The following CTNNA3 variants were observed in gnomAD, a reference collection of about 807,000 sequenced individuals.
The protein encoded by CTNNA3 is catenin alpha-3.
A neutral mutation model predicts 95.7 loss-of-function variants in CTNNA3; 76 were observed. The observed-to-expected ratio is 0.79, with a 90% CI of 0.66 to 0.96. CTNNA3 has a LOEUF of 0.96. Ranked by LOEUF, CTNNA3 falls within the 40% of genes least tolerant of loss-of-function variation. The pLI is 0.00. For missense variants in CTNNA3, 1,191 were observed against 1,089.8 expected, an observed-to-expected ratio of 1.09 and a Z score of -1.31; for synonymous variants, 431 against 374.4, an observed-to-expected ratio of 1.15 and a Z score of -1.74.
At chr10:67,158,494 T>C (rs1861402584) in intron 7 of CTNNA3, among the ~76,000 whole-genome samples, 1 of 152,192 alleles carries the variant, frequency 6.6e-6, no homozygotes, top group Non-Finnish European at 1.5e-5. Flanking sequence ...TGCTAGCAGC[T>C]GAAAGAGAGG....
At chr10:66,718,303 G>A (rs1195396521) in intron 9 of CTNNA3, among the ~76,000 whole-genome samples, 1 of 151,904 alleles carries the variant, frequency 6.6e-6, no homozygotes, top group African/African-American at 2.4e-5. Flanking sequence ...AGTTCCCCCG[G>A]CATCAGTCTC....
intron 5 of CTNNA3, among the ~76,000 whole-genome samples, chr10:67,421,271 T>A (rs753954962): frequency 1.5e-4 from 23 of 152,244 alleles, no homozygotes; most frequent in South Asian, 4.1e-4. Flanking sequence ...AATGTCTGTA[T>A]AAAATAGAAA....
At chr10:66,033,044 T>C (rs1354296945) in intron 15 of CTNNA3, among the ~76,000 whole-genome samples, 1 of 152,112 alleles carries the variant, frequency 6.6e-6, no homozygotes, top group Middle Eastern at 3.2e-3. Flanking sequence ...GTTCATCTCA[T>C]CCTGGTTATT....
intron 9 of CTNNA3, among the ~76,000 whole-genome samples, chr10:66,734,801 T>C (rs1456348509): frequency 1.3e-5 from 2 of 151,060 alleles, no homozygotes; most frequent in Non-Finnish European, 2.9e-5. Context: ...AGGTGGAGGT[T>C]GCAGTGAGCT....
intron 7 of CTNNA3, among the ~76,000 whole-genome samples, chr10:66,993,335 C>T (rs2132944285): frequency 6.6e-6 from 1 of 152,274 alleles, no homozygotes; most frequent in South Asian, 2.1e-4. Flanking sequence ...AAAGCCACCT[C>T]TGCCTTATTC....
intron 7 of CTNNA3, among the ~76,000 whole-genome samples, chr10:67,154,475 G>A (rs1446434546): frequency 1.3e-5 from 2 of 152,110 alleles, no homozygotes; most frequent in East Asian, 3.9e-4. Flanking sequence ...AATCCAATAA[G>A]AGCTTTGCCT....
At chr10:66,089,358 CT>C (rs2081123075) in intron 14 of CTNNA3, among the ~76,000 whole-genome samples, 1 of 151,720 alleles carries the variant, frequency 6.6e-6, no homozygotes, top group African/African-American at 2.4e-5. Context: ...CCCTCCCTTC[CT>C]TTGCTCCCTT....
At position 67,194,626 on chromosome 10, in the gene CTNNA3, T is replaced by C. The variant is rs540501989; in HGVS notation, c.844-14106A>G. Among the ~76,000 whole-genome samples the C allele has an allele frequency of 3.3e-5, 5 of 151,828 alleles. No individual in the cohort carries two copies. The East Asian group carries it at 9.7e-4, about 30-fold the overall frequency. On this transcript the variant is annotated intron_variant, in intron 6 of 17. Coordinates refer to ENST00000433211, the MANE Select transcript of CTNNA3 (RefSeq NM_013266.4). ...AAAGCAGTAAAAATACTCTACATGATACTAATGGTGGATGAATTTTATTAT... is the reference window on the plus strand; with the variant it reads ...AAAGCAGTAAAAATACTCTACATGACACTAATGGTGGATGAATTTTATTAT...
intron 13 of CTNNA3, among the ~76,000 whole-genome samples, chr10:66,262,980 G>A (rs1363099740): frequency 6.6e-6 from 1 of 151,912 alleles, no homozygotes; most frequent in Non-Finnish European, 1.5e-5. Context: ...GGGTGAATCT[G>A]TTTAAGCTGT....
chr10:66,978,552 A>ATAAAATATATATATAT (rs1197845049), intron 7 of CTNNA3, among the ~76,000 whole-genome samples: 1 of 37,866 alleles, frequency 2.6e-5, no homozygotes, highest in Non-Finnish European at 4.8e-5. Flanking sequence ...AAAAAAAAAA[A>ATAAAATATATATATAT]ATATATATAT....
intron 7 of CTNNA3, among the ~76,000 whole-genome samples, chr10:66,826,581 T>G (rs930779610): frequency 1.3e-5 from 2 of 152,190 alleles, no homozygotes; most frequent in African/African-American, 4.8e-5. Flanking sequence ...TTTCTGAGGT[T>G]TAAGCCAAAA....
chr10:67,207,490 A>T (rs1190628032), intron 6 of CTNNA3, among the ~76,000 whole-genome samples: 1 of 152,164 alleles, frequency 6.6e-6, no homozygotes, highest in Non-Finnish European at 1.5e-5. Context: ...TCTACATATG[A>T]ATCCCCATGA....
chr10:66,004,035 C>G lies in CTNNA3; in HGVS notation c.2160-15238G>C, dbSNP rs148332092. Among the ~76,000 whole-genome samples the G allele has an allele frequency of 6.2e-3, 940 of 152,234 alleles. 13 individuals are homozygous for G. The highest frequency in any genetic ancestry group is 0.022 in the African/African-American group (893 of 41,488). On this transcript the variant is annotated intron_variant, in intron 15 of 17. Coordinates refer to ENST00000433211, the MANE Select transcript of CTNNA3 (RefSeq NM_013266.4). ...ATTTTAGACGCTCAACACTCCTTAACTTTTCTCCAACATATAAGAATACAG... is the reference window on the plus strand; with the variant it reads ...ATTTTAGACGCTCAACACTCCTTAAGTTTTCTCCAACATATAAGAATACAG...
At chr10:65,966,992 T>C (rs972479302) in intron 16 of CTNNA3, among the ~76,000 whole-genome samples, 12 of 152,184 alleles carry the variant, frequency 7.9e-5, no homozygotes, top group Non-Finnish European at 1.2e-4. Context: ...AGTCTCGCTC[T>C]GTTGCCCAGG....
At chr10:66,556,563 C>T (rs1435674736) in intron 10 of CTNNA3, among the ~76,000 whole-genome samples, 1 of 151,914 alleles carries the variant, frequency 6.6e-6, no homozygotes, top group Non-Finnish European at 1.5e-5. Flanking sequence ...GGAGCTTCTG[C>T]TATTTTCAAC....
At chr10:66,280,644 G>A (rs761355084) in intron 12 of CTNNA3, 23 bp from the exon 13 acceptor site, 2 of 1,580,334 alleles carry the variant, frequency 1.3e-6, no homozygotes, top group East Asian at 2.3e-5. Flanking sequence ...AGAATAAGGA[G>A]AAGATTGTCC....
At chr10:66,838,482 A>G (rs938774057) in intron 7 of CTNNA3, among the ~76,000 whole-genome samples, 1 of 152,156 alleles carries the variant, frequency 6.6e-6, no homozygotes, top group African/African-American at 2.4e-5. Context: ...ACAATTCTGA[A>G]AGATAAATAG....
intron 2 of CTNNA3, among the ~76,000 whole-genome samples, chr10:67,636,599 G>A (rs1839320685): frequency 6.6e-6 from 1 of 152,158 alleles, no homozygotes; most frequent in Non-Finnish European, 1.5e-5. Context: ...AATAGTGCTG[G>A]GAGAACTGGC....
At chr10:66,018,641 A>G (rs1564581583) in intron 15 of CTNNA3, among the ~76,000 whole-genome samples, 1 of 152,256 alleles carries the variant, frequency 6.6e-6, no homozygotes, top group East Asian at 1.9e-4. Flanking sequence ...CTGAAATGCA[A>G]TGACCTACAG....
Sources: allele counts gnomAD v4.1 joint callset (sites outside exome capture counted in the v4.1 genomes callset), GRCh38; gene constraint gnomAD v4.1.1; transcripts MANE v1.5; gene names NCBI Gene and HGNC (gene_info 2026-07-23, HGNC 2026-07-21).